Variants in OTX2 observed in about 807,000 individuals in gnomAD.
The protein encoded by OTX2 is homeobox protein OTX2.
In OTX2, 4 loss-of-function variants were observed where a neutral mutation model predicts 29.0. The ratio of observed to expected loss-of-function variants is 0.14; its 90% CI spans 0.07 to 0.32. OTX2 has a LOEUF of 0.32. Ranked by LOEUF, OTX2 falls within the 10% of genes least tolerant of loss-of-function variation. The probability of loss-of-function intolerance (pLI) is 1.00; values close to 1 mark genes in which losing one functional copy is unlikely to be tolerated. For synonymous variants in OTX2, 134 were observed against 141.0 expected (o/e 0.95, Z 0.35); for missense variants, 298 against 365.9 (o/e 0.81, Z 1.51).
At chr14:56,808,013 A>C (rs1159276908) in intron 2 of OTX2, among the ~76,000 whole-genome samples, 2 of 147,730 alleles carry the variant, frequency 1.4e-5, no homozygotes, top group African/African-American at 5.0e-5. Flanking sequence ...GCAGCCCCGC[A>C]GGCCTGGCGC....
At chr14:56,803,999 C>T (rs924174602) in intron 4 of OTX2, among the ~76,000 whole-genome samples, 189 bp downstream of exon 4, 7 of 152,138 alleles carry the variant, frequency 4.6e-5, no homozygotes, top group African/African-American at 1.7e-4. Flanking sequence ...AAGACCCTTG[C>T]TTACGGGATT....
intron 2 of OTX2, among the ~76,000 whole-genome samples, chr14:56,807,277 C>T (rs965571458): frequency 2.0e-5 from 3 of 152,038 alleles, no homozygotes; most frequent in Non-Finnish European, 2.9e-5. Flanking sequence ...AAATCTCCAG[C>T]TTAGAGGCTG....
chr14:56,803,399 A>G (rs1266206986), intron 4 of OTX2, among the ~76,000 whole-genome samples: 1 of 152,232 alleles, frequency 6.6e-6, no homozygotes, highest in Non-Finnish European at 1.5e-5. Flanking sequence ...AACTTCCTCT[A>G]ACCTACTTTG....
chr14:56,809,038 C>T (rs1892185797), intron 2 of OTX2, among the ~76,000 whole-genome samples: 1 of 152,242 alleles, frequency 6.6e-6, no homozygotes, highest in South Asian at 2.1e-4. Flanking sequence ...CCTCGGCGAA[C>T]CCCTCGGCCC....
rs2139529251 is a variant in OTX2 at position 56,802,295 on chromosome 14, C to T, written c.334G>A (p.Gly112Ser). The stretch of plus-strand genomic sequence containing the variant: ...TTGGCAGGTCTCACTTTGTTTTGAC[C>T]TCCATTCTGCTGTTGTTGCTGTTGT... Reference protein sequence around the residue: ...RQQQQQQQNGGQNKVRPAKKK... With the variant: ...RQQQQQQQNGSQNKVRPAKKK... Residue 112 changes from glycine to serine, a missense_variant, in exon 5 of 5, where the codon GGT becomes AGT. Gly to Ser is a moderately conservative substitution (Grantham distance 56). Transcript: ENST00000672264. The surrounding 1 kb of genome is among the most constrained non-coding windows in gnomAD (Gnocchi z 4.4). 1 of 1,614,178 alleles carries T rather than the reference C, an allele frequency of 6.2e-7. No homozygotes were observed. The highest frequency in any genetic ancestry group is 1.3e-5 in the African/African-American group (1 of 75,030).
chr14:56,807,691 A>G (rs1020554583), intron 2 of OTX2, among the ~76,000 whole-genome samples: 1 of 152,188 alleles, frequency 6.6e-6, no homozygotes, highest in Non-Finnish European at 1.5e-5. Flanking sequence ...CCAAAACCCA[A>G]AACTAAGAGA....
In OTX2 at chr14:56,801,584, C is replaced by T. The variant is rs1891877214; in HGVS notation, c.*151G>A. On this transcript the variant is annotated 3_prime_UTR_variant, in exon 5 of 5. Transcript: ENST00000672264. This position sits in a 1 kb window ranked among gnomAD's most constrained non-coding sequence, Gnocchi z 4.2. ...GCTGGTTTGTAGGCCCCTCTAAGGC[C>T]CTTCGTTTTTCCTTCTATGCCTCTC... 1.2e-6 allele frequency: 1 copy of T among 815,076 alleles called. No individual in the cohort carries two copies. The allele number at this position is 815,076 out of a possible 1,614,324, so 50.5% of individuals were successfully genotyped here.
In OTX2 at chr14:56,802,849, T is replaced by C. The variant is rs1891941417; in HGVS notation, c.274-494A>G. Among the ~76,000 whole-genome samples, 1 of 152,236 alleles carries C rather than the reference T, an allele frequency of 6.6e-6. No individual in the cohort carries two copies. The highest frequency in any genetic ancestry group is 6.5e-5 in the Admixed American group (1 of 15,286). On this transcript the variant is annotated intron_variant, in intron 4 of 4. Transcript: ENST00000672264. This position sits in a 1 kb window ranked among gnomAD's most constrained non-coding sequence, Gnocchi z 4.4. Reference sequence around the variant, plus strand: ...AAGCAACTGCTAATATAGAGGTTGGTTGGTTCCATCACCCTTCTGTCTCTC... The same window carrying C: ...AAGCAACTGCTAATATAGAGGTTGGCTGGTTCCATCACCCTTCTGTCTCTC...
chr14:56,802,014 C>T lies in OTX2; in HGVS notation c.615G>A (p.Gly205=). 1 of 1,614,084 alleles carries T rather than the reference C, an allele frequency of 6.2e-7. No homozygotes were observed. ...TCAAATATGATCCACAGTCCATGCCCCCAAAGTAGGAAGTTGAGCCAGCAT... is the reference window on the plus strand; with the variant it reads ...TCAAATATGATCCACAGTCCATGCCTCCAAAGTAGGAAGTTGAGCCAGCAT... ...QGYAGSTSYF[G]GMDCGSYLTP... Residue 205 remains glycine, a synonymous_variant, in exon 5 of 5, where the codon GGG becomes GGA. Coordinates refer to ENST00000672264, the MANE Select transcript of OTX2 (RefSeq NM_021728.4). This position sits in a 1 kb window ranked among gnomAD's most constrained non-coding sequence, Gnocchi z 4.4.
rs1164601677 is a variant in OTX2 at position 56,801,803 on chromosome 14, G to A, written c.826C>T (p.Leu276Phe). The A allele has an allele frequency of 6.2e-7, 1 of 1,614,186 alleles. No individual in the cohort carries two copies. Among genetic ancestry groups the A allele is most frequent in the Non-Finnish European group, 8.5e-7 (1 of 1,180,036 alleles). Reference sequence around the variant, plus strand: ...TCCAAGCAGTCAGCATTGAAGTTAAGCTTCCAGGAGGCAGTTTGGTCCTTA... The same window carrying A: ...TCCAAGCAGTCAGCATTGAAGTTAAACTTCCAGGAGGCAGTTTGGTCCTTA... ...DYKDQTASWK[L>F]NFNADCLDYK... The change falls in exon 5 of 5, where the codon CTT becomes TTT. Residue 276 changes from leucine to phenylalanine, a missense_variant. Leu to Phe is a conservative substitution (Grantham distance 22). Around this residue, in one of 3 missense-constraint regions of OTX2, gnomAD observed 219 missense variants for 223.5 expected, o/e 0.98. Coordinates refer to ENST00000672264, the MANE Select transcript of OTX2 (RefSeq NM_021728.4). This position sits in a 1 kb window ranked among gnomAD's most constrained non-coding sequence, Gnocchi z 4.2.
In OTX2 at chr14:56,804,419, G is replaced by GA. The variant is rs1892005781; in HGVS notation, c.98-57_98-56insT. On this transcript the variant is annotated intron_variant, in intron 3 of 4. Transcript: ENST00000672264. This position sits in a 1 kb window ranked among gnomAD's most constrained non-coding sequence, Gnocchi z 4.1. ...TAGGCGTTTCCGCGGGTTCTCCGACGCCCCTGCCCTCCACCCCGCAGCAGT... is the reference window on the plus strand; with the variant it reads ...TAGGCGTTTCCGCGGGTTCTCCGACGACCCCTGCCCTCCACCCCGCAGCAGT... The GA allele has an allele frequency of 2.0e-6, 3 of 1,510,390 alleles. No individual in the cohort carries two copies. The highest frequency in any genetic ancestry group is 2.7e-6 in the Non-Finnish European group (3 of 1,109,080). 93.6% of individuals were successfully genotyped at this position (1,510,390 alleles called of 1,614,324 possible).
Position 56,800,474 on chromosome 14 carries a change from CTTG to C in OTX2, c.*1258_*1260del, listed in dbSNP as rs1566621009. 2 of 152,024 alleles carry C rather than the reference CTTG, an allele frequency of 1.3e-5. No individual in the cohort carries two copies. Among genetic ancestry groups the C allele is most frequent in the Non-Finnish European group, 2.9e-5 (2 of 68,012 alleles). 9.4% of individuals were successfully genotyped at this position (152,024 alleles called of 1,614,324 possible). A position where few individuals can be genotyped will look rare whatever the true frequency, so the allele number is the denominator to read the frequency against. ...GAGGGAAAAGCAAGGAAAACAAGAT[CTTG>C]TTGTTAGGCTCTCCAAACTCAATTT... is the stretch of plus-strand genomic sequence containing the variant. On this transcript the variant is annotated 3_prime_UTR_variant, in exon 5 of 5. Transcript: ENST00000672264.
intron 2 of OTX2, 138 bp from the exon 3 acceptor site, chr14:56,805,713 C>CCCCCACCCCCAT (rs1892066875): frequency 2.2e-6 from 1 of 454,648 alleles, no homozygotes; most frequent in South Asian, 2.3e-5. Flanking sequence ...GCAGACACTC[C>CCCCCACCCCCAT]CCCCACCCCC....
intron 2 of OTX2, among the ~76,000 whole-genome samples, chr14:56,809,863 T>C (rs1455335225): frequency 1.3e-5 from 2 of 152,076 alleles, no homozygotes; most frequent in African/African-American, 4.8e-5. Context: ...AAACAAAACC[T>C]TCCAAAACAC....
rs1301626542 is a variant in OTX2 at position 56,800,072 on chromosome 14, G to A, written c.*1663C>T. ...TTTTCTGGTGACTGGTTTACAAAAT[G>A]CAGGTACAACTGAAAAGGGACCCAT... On this transcript the variant is annotated 3_prime_UTR_variant, in exon 5 of 5. Coordinates refer to ENST00000672264, the MANE Select transcript of OTX2 (RefSeq NM_021728.4). 1 of 152,114 alleles carries A rather than the reference G, an allele frequency of 6.6e-6. No individual in the cohort carries two copies. Among genetic ancestry groups the A allele is most frequent in the Non-Finnish European group, 1.5e-5 (1 of 68,028 alleles). The allele number at this position is 152,114 out of a possible 1,614,324, so 9.4% of individuals were successfully genotyped here. A position where few individuals can be genotyped will look rare whatever the true frequency, so the allele number is the denominator to read the frequency against.
In OTX2 at chr14:56,804,586, T is replaced by A. The variant is rs752652393; in HGVS notation, c.98-223A>T. ...TGTTGAGATTGCTCCAATCAGAGCA[T>A]CACTTGGAAAGTTAACAAATGAAAC... On this transcript the variant is annotated intron_variant, in intron 3 of 4. Coordinates refer to ENST00000672264, the MANE Select transcript of OTX2 (RefSeq NM_021728.4). This position sits in a 1 kb window ranked among gnomAD's most constrained non-coding sequence, Gnocchi z 4.1. Among the ~76,000 whole-genome samples the A allele has an allele frequency of 4.4e-4, 67 of 152,156 alleles. No individual in the cohort carries two copies. Among genetic ancestry groups the A allele is most frequent in the Non-Finnish European group, 7.3e-4 (50 of 68,042 alleles).
chr14:56,802,215 T>C lies in OTX2; in HGVS notation c.414A>G (p.Gln138=). ...CTGAGGTGCTAGAGGGGGGAGTGAATTGGCCACTTGTTCCACTCTCTGAAC... is the reference window on the plus strand; with the variant it reads ...CTGAGGTGCTAGAGGGGGGAGTGAACTGGCCACTTGTTCCACTCTCTGAAC... ...EVSSESGTSG[Q]FTPPSSTSVP... Residue 138 remains glutamine (Q), a synonymous_variant, in exon 5 of 5, where the codon CAA becomes CAG. Transcript: ENST00000672264. This position sits in a 1 kb window ranked among gnomAD's most constrained non-coding sequence, Gnocchi z 4.4. 5.0e-6 allele frequency: 8 copies of C among 1,614,060 alleles called. No individual in the cohort carries two copies. Among genetic ancestry groups the C allele is most frequent in the Non-Finnish European group, 6.8e-6 (8 of 1,180,004 alleles).
chr14:56,802,252 G>A lies in OTX2; in HGVS notation c.377C>T (p.Ala126Val), dbSNP rs1267666192. Reference protein sequence around the residue: ...VRPAKKKTSPAREVSSESGTS... With the variant: ...VRPAKKKTSPVREVSSESGTS... ...TCCACTCTCTGAACTCACTTCCCGAGCTGGAGATGTCTTCTTTTTGGCAGG... is the reference window on the plus strand; with the variant it reads ...TCCACTCTCTGAACTCACTTCCCGAACTGGAGATGTCTTCTTTTTGGCAGG... Residue 126 changes from alanine (A) to valine (V), a missense_variant, in exon 5 of 5, where the codon GCT becomes GTT. This residue lies in a region of OTX2 where 219 missense variants were observed against 223.5 expected (regional missense o/e 0.98). Transcript: ENST00000672264. The surrounding 1 kb of genome is among the most constrained non-coding windows in gnomAD (Gnocchi z 4.4). 5.0e-6 allele frequency: 8 copies of A among 1,614,176 alleles called. No individual in the cohort carries two copies. The highest frequency in any genetic ancestry group is 5.9e-6 in the Non-Finnish European group (7 of 1,180,032).
chr14:56,805,690 T>C, intron 2 of OTX2, 115 bp from the exon 3 acceptor site: 1 of 525,020 alleles, frequency 1.9e-6, no homozygotes, highest in Non-Finnish European at 3.5e-6. Context: ...AGGCAGAGGC[T>C]TTTAAAGGAC....
Sources: allele counts gnomAD v4.1 joint callset (sites outside exome capture counted in the v4.1 genomes callset), GRCh38; gene constraint gnomAD v4.1.1; regional missense constraint gnomAD v4.1.1; non-coding constraint Gnocchi (gnomAD v3.1); transcripts MANE v1.5; gene names NCBI Gene and HGNC (gene_info 2026-07-23, HGNC 2026-07-21).